The following RCOR1 variants were observed in gnomAD, a reference collection of about 807,000 sequenced individuals.
RCOR1 encodes the protein REST corepressor 1.
In RCOR1, 12 loss-of-function variants were observed where a neutral mutation model predicts 64.0. The ratio of observed to expected loss-of-function variants is 0.19; its 90% CI spans 0.12 to 0.30. The LOEUF (loss-of-function observed/expected upper bound fraction) is 0.30. Ranked by LOEUF, RCOR1 falls within the 10% of genes least tolerant of loss-of-function variation. RCOR1 has a pLI of 1.00. For synonymous variants in RCOR1, 279 were observed against 227.2 expected, an observed-to-expected ratio of 1.23 and a Z score of -2.05; for missense variants, 502 against 621.2, an observed-to-expected ratio of 0.81 and a Z score of 2.04.
At chr14:102,702,687 CA>C (rs1895776037) in intron 4 of RCOR1, among the ~76,000 whole-genome samples, 2 of 152,088 alleles carry the variant, frequency 1.3e-5, no homozygotes, top group Non-Finnish European at 2.9e-5. Context: ...CTGATCCTCA[CA>C]ATGGAGGCAA....
chr14:102,705,112 TCAA>T (rs569745143), intron 4 of RCOR1, among the ~76,000 whole-genome samples: 5 of 151,184 alleles, frequency 3.3e-5, no homozygotes, highest in African/African-American at 4.9e-5. Context: ...CAACTCTATA[TCAA>T]CAACAACAAC....
chr14:102,669,304 G>A (rs769100568), intron 2 of RCOR1, among the ~76,000 whole-genome samples: 1 of 137,026 alleles, frequency 7.3e-6, no homozygotes, highest in Non-Finnish European at 1.5e-5. Flanking sequence ...AGTGAAACTC[G>A]GTCTGAAAAA....
intron 2 of RCOR1, among the ~76,000 whole-genome samples, chr14:102,607,133 A>G (rs549424164): frequency 6.6e-6 from 1 of 151,816 alleles, no homozygotes; most frequent in Admixed American, 6.6e-5. Flanking sequence ...GGGTTTTTCC[A>G]TGTTGGTCAG....
chr14:102,701,059 G>A (rs1895747528), intron 3 of RCOR1, among the ~76,000 whole-genome samples: 1 of 152,206 alleles, frequency 6.6e-6, no homozygotes. Context: ...CAGGAGAATA[G>A]CACAGGAAAG....
chr14:102,597,163 A>G (rs544948768), intron 2 of RCOR1, among the ~76,000 whole-genome samples: 20 of 150,236 alleles, frequency 1.3e-4, no homozygotes, highest in Admixed American at 1.3e-3. Context: ...GTGAGCCACC[A>G]TGCCCTGTCC....
intron 2 of RCOR1, among the ~76,000 whole-genome samples, chr14:102,620,024 G>C (rs1233354388): frequency 1.3e-5 from 2 of 152,158 alleles, no homozygotes; most frequent in African/African-American, 4.8e-5. Context: ...CACAGTTCCT[G>C]TCTTCCTTTA....
At chr14:102,676,930 C>T (rs1176658300) in intron 2 of RCOR1, among the ~76,000 whole-genome samples, 9 of 101,140 alleles carry the variant, frequency 8.9e-5, no homozygotes, top group African/African-American at 3.9e-4. Context: ...CCCTCCCGGA[C>T]GGGGCGGCTG....
At chr14:102,655,294 G>A (rs1894700223) in intron 2 of RCOR1, 2 of 984,854 alleles carry the variant, frequency 2.0e-6, no homozygotes, top group Non-Finnish European at 2.4e-6. Context: ...TTTTCTACAA[G>A]GATTCTGTTT....
At chr14:102,615,111 G>A (rs1342669404) in intron 2 of RCOR1, among the ~76,000 whole-genome samples, 9 of 150,600 alleles carry the variant, frequency 6.0e-5, no homozygotes, top group South Asian at 2.1e-4. Flanking sequence ...GATTACAGGC[G>A]TGAGCCATAG....
chr14:102,632,430 G>C (rs1894133538), intron 2 of RCOR1, among the ~76,000 whole-genome samples: 1 of 148,744 alleles, frequency 6.7e-6, no homozygotes, highest in Non-Finnish European at 1.5e-5. Context: ...TGTTCTCGAT[G>C]TCCTGACCTC....
intron 3 of RCOR1, among the ~76,000 whole-genome samples, chr14:102,695,937 T>G (rs893377858): frequency 2.0e-5 from 3 of 152,006 alleles, no homozygotes; most frequent in Non-Finnish European, 4.4e-5. Context: ...AGTTTCTTTG[T>G]GAATGAGAGT....
chr14:102,617,671 C>G (rs1171163551), intron 2 of RCOR1, among the ~76,000 whole-genome samples: 1 of 150,812 alleles, frequency 6.6e-6, no homozygotes, highest in East Asian at 2.0e-4. Flanking sequence ...CTCACTGCAA[C>G]CTCCACTTCC....
At chr14:102,672,870 G>A (rs989707609) in intron 2 of RCOR1, among the ~76,000 whole-genome samples, 1 of 152,220 alleles carries the variant, frequency 6.6e-6, no homozygotes, top group African/African-American at 2.4e-5. Context: ...ATTATAGAGT[G>A]AGAAATAACT....
intron 2 of RCOR1, among the ~76,000 whole-genome samples, chr14:102,597,628 CTTTTTTTTT>C (rs57656879): frequency 1.6e-4 from 7 of 44,950 alleles, no homozygotes; most frequent in Non-Finnish European, 2.3e-4. Flanking sequence ...TGCGCCCGAC[CTTTTTTTTT>C]TTTTTTTTTT....
rs1002524627 is a variant in RCOR1, at chr14:102,690,937, C to A, written c.445+8959C>A. Among the ~76,000 whole-genome samples, 6 of 152,150 alleles carry A rather than the reference C, an allele frequency of 3.9e-5. No homozygotes were observed. In the South Asian group the frequency reaches 6.2e-4, roughly 16 times the overall value. Reference sequence around the variant, plus strand: ...GAGAAGGTGGTGGGAGTGCAGGATTCCCCTGGATAGAGATTTGCAAATACA... The same window carrying A: ...GAGAAGGTGGTGGGAGTGCAGGATTACCCTGGATAGAGATTTGCAAATACA... On this transcript the variant is annotated intron_variant, in intron 3 of 11. Transcript: ENST00000262241.
intron 2 of RCOR1, among the ~76,000 whole-genome samples, chr14:102,663,697 G>A (rs968493890): frequency 6.6e-6 from 1 of 152,124 alleles, no homozygotes. Context: ...TTACATTACT[G>A]ATAGGGCAGT....
chr14:102,705,514 A>G (rs961088555), intron 4 of RCOR1, among the ~76,000 whole-genome samples: 1 of 152,176 alleles, frequency 6.6e-6, no homozygotes, highest in Non-Finnish European at 1.5e-5. Flanking sequence ...GTGTGATCAT[A>G]GCTCACTGCA....
intron 10 of RCOR1, among the ~76,000 whole-genome samples, chr14:102,721,848 GCAGA>G (rs1311387698): frequency 6.6e-6 from 1 of 152,184 alleles, no homozygotes; most frequent in African/African-American, 2.4e-5. Context: ...CCCAAAAGAA[GCAGA>G]CAGAGTGTTC....
At chr14:102,695,279 G>A (rs1264602247) in intron 3 of RCOR1, 2 of 152,316 alleles carry the variant, frequency 1.3e-5, no homozygotes, top group East Asian at 3.9e-4. Context: ...CTTCATTCAA[G>A]CTAGATACAG....
Sources: gnomAD v4.1 joint callset for allele counts (sites outside exome capture counted in the v4.1 genomes callset) on GRCh38, gnomAD v4.1.1 for gene constraint, MANE v1.5 for transcripts, NCBI Gene and HGNC (gene_info 2026-07-23, HGNC 2026-07-21) for gene names.